Variants in MET observed in about 807,000 individuals in gnomAD.
MET encodes the protein hepatocyte growth factor receptor.
A neutral mutation model predicts 133.1 loss-of-function variants in MET; 48 were observed. The observed-to-expected ratio is 0.36, with a 90% CI of 0.29 to 0.46. The LOEUF is 0.46. Among genes scored for constraint, MET ranks in the 20% least tolerant of loss-of-function variants. The probability of loss-of-function intolerance (pLI) is 1.00; values close to 1 mark genes in which losing one functional copy is unlikely to be tolerated. For synonymous variants in MET, 628 were observed against 616.5 expected, an observed-to-expected ratio of 1.02 and a Z score of -0.28; for missense variants, 1,442 against 1,695.9, an observed-to-expected ratio of 0.85 and a Z score of 2.63.
At chr7:116,686,890 T>C (rs1796580336) in intron 1 of MET, among the ~76,000 whole-genome samples, 1 of 152,218 alleles carries the variant, frequency 6.6e-6, no homozygotes, top group Admixed American at 6.5e-5. Flanking sequence ...CAGCTGCACC[T>C]GAGCAGCTCC....
intron 2 of MET, among the ~76,000 whole-genome samples, chr7:116,716,962 C>CG (rs2116689989): frequency 6.6e-6 from 1 of 152,316 alleles, no homozygotes; most frequent in South Asian, 2.1e-4. Flanking sequence ...TTTTGCCCCC[C>CG]CCAGCTTTGC....
chr7:116,720,773 T>C (rs1792452443), intron 2 of MET, among the ~76,000 whole-genome samples: 2 of 130,030 alleles, frequency 1.5e-5, no homozygotes, highest in South Asian at 2.8e-4. Context: ...GCTCTGTTTA[T>C]ATGCTGGATT....
intron 5 of MET, among the ~76,000 whole-genome samples, chr7:116,747,918 T>C (rs190809443): frequency 1.3e-5 from 2 of 152,222 alleles, no homozygotes; most frequent in African/African-American, 4.8e-5. Context: ...GTCTCTCAGA[T>C]GACACTACAA....
chr7:116,793,427 C>T (rs912810247), intron 19 of MET, among the ~76,000 whole-genome samples: 2 of 151,542 alleles, frequency 1.3e-5, no homozygotes, highest in African/African-American at 2.4e-5. Flanking sequence ...TGCCCACCCC[C>T]GCCTCCCAAA....
chr7:116,738,949 G>T (rs375694951), intron 3 of MET, among the ~76,000 whole-genome samples: 12 of 152,116 alleles, frequency 7.9e-5, no homozygotes, highest in African/African-American at 2.7e-4. Flanking sequence ...TACCCATCGC[G>T]AGTAAATGCA....
intron 1 of MET, among the ~76,000 whole-genome samples, chr7:116,676,835 A>C (rs1415495980): frequency 6.6e-6 from 1 of 152,062 alleles, no homozygotes; most frequent in Non-Finnish European, 1.5e-5. Context: ...CTGATTTTGG[A>C]GGGAGATACC....
Position 116,781,659 on chromosome 7 carries a change from C to T in MET, c.3523-329C>T, listed in dbSNP as rs548580853. Among the ~76,000 whole-genome samples, 4 of 152,274 alleles carry T rather than the reference C, an allele frequency of 2.6e-5. No individual in the cohort carries two copies. The South Asian group carries it at 8.3e-4, about 32-fold the overall frequency. Reference sequence around the variant, plus strand: ...CATAGTGCACTGCAGTATCCAACTCCTGGGCTCAAGCAATCCTCCTTCCTC... The same window carrying T: ...CATAGTGCACTGCAGTATCCAACTCTTGGGCTCAAGCAATCCTCCTTCCTC... On this transcript the variant is annotated intron_variant, in intron 17 of 20. Coordinates refer to ENST00000397752, the MANE Select transcript of MET (RefSeq NM_000245.4).
intron 2 of MET, among the ~76,000 whole-genome samples, chr7:116,713,480 G>T (rs1792081445): frequency 1.3e-5 from 2 of 152,046 alleles, no homozygotes; most frequent in Non-Finnish European, 2.9e-5. Flanking sequence ...CGTAATCCCA[G>T]TGGCAACATT....
At chr7:116,744,621 A>T (rs1160494141) in intron 5 of MET, among the ~76,000 whole-genome samples, 1 of 152,210 alleles carries the variant, frequency 6.6e-6, no homozygotes, top group Non-Finnish European at 1.5e-5. Context: ...ACTCTTCAGA[A>T]TATTATCCAG....
intron 2 of MET, among the ~76,000 whole-genome samples, chr7:116,720,697 G>T (rs1278607916): frequency 1.4e-5 from 2 of 140,026 alleles, no homozygotes; most frequent in South Asian, 5.0e-4. Flanking sequence ...TAACATGAAG[G>T]GTTGTTGAAT....
At chr7:116,716,851 C>A (rs546492365) in intron 2 of MET, among the ~76,000 whole-genome samples, 93 of 151,712 alleles carry the variant, frequency 6.1e-4, no homozygotes, top group Non-Finnish European at 1.2e-3. Flanking sequence ...GCTGGCTGGC[C>A]GGATGCCTGC....
At chr7:116,790,333 GATACCTCAT>G (rs1795445621) in intron 19 of MET, among the ~76,000 whole-genome samples, 1 of 152,130 alleles carries the variant, frequency 6.6e-6, no homozygotes, top group Non-Finnish European at 1.5e-5. Flanking sequence ...GACTACTTCA[GATACCTCAT>G]ATAAGTGGAA....
chr7:116,781,780 G>A (rs929550389), intron 17 of MET, among the ~76,000 whole-genome samples: 14 of 152,172 alleles, frequency 9.2e-5, no homozygotes, highest in Admixed American at 4.6e-4. Context: ...ATCTCACTGT[G>A]TTGCCCAGGC....
chr7:116,780,265 G>T (rs1475388757), intron 17 of MET, among the ~76,000 whole-genome samples: 2 of 151,962 alleles, frequency 1.3e-5, no homozygotes, highest in African/African-American at 4.8e-5. Context: ...CTCAAGCTCC[G>T]TCTCGGTTCC....
intron 1 of MET, among the ~76,000 whole-genome samples, chr7:116,693,971 T>C (rs1796868549): frequency 6.6e-6 from 1 of 152,212 alleles, no homozygotes; most frequent in Non-Finnish European, 1.5e-5. Context: ...GATGAGAAAA[T>C]ACAGGCTTAG....
intron 2 of MET, chr7:116,724,796 T>G (rs1792675788): frequency 7.8e-7 from 1 of 1,288,294 alleles, no homozygotes; most frequent in East Asian, 5.6e-5. Context: ...AGATTGGAGG[T>G]GAAGACCCTG....
chr7:116,792,351 C>T (rs1226670445), intron 19 of MET, among the ~76,000 whole-genome samples: 5 of 152,024 alleles, frequency 3.3e-5, no homozygotes, highest in Admixed American at 6.6e-5. Context: ...ACAGTAAGCA[C>T]GGATGATAGC....
intron 1 of MET, among the ~76,000 whole-genome samples, chr7:116,673,993 G>A (rs1796065673): frequency 6.6e-6 from 1 of 152,156 alleles, no homozygotes; most frequent in South Asian, 2.1e-4. Context: ...ACAAAAATGT[G>A]TCTGATAGCC....
chr7:116,696,698 A>G (rs1465558657), intron 1 of MET, among the ~76,000 whole-genome samples: 2 of 152,226 alleles, frequency 1.3e-5, no homozygotes, highest in Non-Finnish European at 2.9e-5. Context: ...CCATTCATGA[A>G]CACACCCATT....
Sources: allele counts gnomAD v4.1 joint callset (sites outside exome capture counted in the v4.1 genomes callset), GRCh38; gene constraint gnomAD v4.1.1; transcripts MANE v1.5; gene names NCBI Gene and HGNC (gene_info 2026-07-23, HGNC 2026-07-21).